Variants in CSMD1 observed in about 807,000 individuals in gnomAD.
CSMD1 encodes the protein CUB and Sushi multiple domains 1.
A neutral mutation model predicts 417.5 loss-of-function variants in CSMD1; 213 were observed. The observed-to-expected ratio is 0.51, with a 90% CI of 0.46 to 0.57. The LOEUF (loss-of-function observed/expected upper bound fraction) is 0.57. CSMD1 is among the 20% of genes least tolerant of loss of function. The pLI is 0.00. For missense variants in CSMD1, 6,923 were observed against 4,529.7 expected (o/e 1.53, Z -15.17); for synonymous variants, 2,862 against 1,736.8 (o/e 1.65, Z -16.11).
chr8:4,650,978 G>T (rs899143), intron 1 of CSMD1, among the ~76,000 whole-genome samples: 87,690 of 151,950 alleles, frequency 0.58, 25,516 homozygotes, highest in Admixed American at 0.68. Flanking sequence ...GTTAAATATT[G>T]ATAACAAGAA....
intron 3 of CSMD1, among the ~76,000 whole-genome samples, chr8:4,340,815 C>A (rs1800432648): frequency 6.6e-6 from 1 of 151,968 alleles, no homozygotes; most frequent in African/African-American, 2.4e-5. Flanking sequence ...TGCTGCTTAC[C>A]CACTTCTAGA....
intron 3 of CSMD1, among the ~76,000 whole-genome samples, chr8:4,044,058 G>T (rs1469790405): frequency 6.6e-6 from 1 of 151,964 alleles, no homozygotes; most frequent in African/African-American, 2.4e-5. Flanking sequence ...AGGAGACTGG[G>T]GTTCCTGTCT....
At chr8:3,384,813 A>G (rs13254080) in intron 18 of CSMD1, among the ~76,000 whole-genome samples, 61,754 of 118,916 alleles carry the variant, frequency 0.52, 16,434 homozygotes, top group Middle Eastern at 0.57. Flanking sequence ...TTATATATAA[A>G]TATATAATTA....
chr8:4,594,873 G>T (rs1323200961), intron 2 of CSMD1, among the ~76,000 whole-genome samples: 1 of 152,144 alleles, frequency 6.6e-6, no homozygotes, highest in Non-Finnish European at 1.5e-5. Flanking sequence ...TCATGCTGAA[G>T]AGAAATGACT....
intron 5 of CSMD1, among the ~76,000 whole-genome samples, chr8:3,821,170 G>A (rs182404639): frequency 4.6e-5 from 7 of 152,064 alleles, no homozygotes; most frequent in Admixed American, 6.5e-5. Flanking sequence ...CACCCGCCTC[G>A]GCCTCCCAAA....
At chr8:4,346,880 G>C (rs565376921) in intron 3 of CSMD1, among the ~76,000 whole-genome samples, 3 of 149,364 alleles carry the variant, frequency 2.0e-5, no homozygotes, top group Admixed American at 6.6e-5. Context: ...ATGTCATTCT[G>C]GCTGGATTGT....
intron 25 of CSMD1, among the ~76,000 whole-genome samples, chr8:3,292,373 G>T (rs1363029793): frequency 6.6e-6 from 1 of 152,054 alleles, no homozygotes; most frequent in Non-Finnish European, 1.5e-5. Context: ...TTCAATTCCT[G>T]GGTATCCTTG....
At chr8:3,429,952 G>C (rs1178761625) in intron 12 of CSMD1, among the ~76,000 whole-genome samples, 1 of 152,218 alleles carries the variant, frequency 6.6e-6, no homozygotes, top group African/African-American at 2.4e-5. Context: ...ATCTCGATAT[G>C]TATTAATCGA....
At chr8:4,894,006 A>G (rs894531750) in intron 1 of CSMD1, among the ~76,000 whole-genome samples, 1 of 151,942 alleles carries the variant, frequency 6.6e-6, no homozygotes, top group Non-Finnish European at 1.5e-5. Flanking sequence ...TCTGTTATGT[A>G]TAGATACCTT....
At chr8:3,523,940 G>A (rs914695044) in intron 10 of CSMD1, among the ~76,000 whole-genome samples, 1 of 139,464 alleles carries the variant, frequency 7.2e-6, no homozygotes, top group Non-Finnish European at 1.5e-5. Context: ...TGCACACTCA[G>A]ACACGTGCAT....
At chr8:4,885,919 T>C (rs937985527) in intron 1 of CSMD1, among the ~76,000 whole-genome samples, 3 of 152,132 alleles carry the variant, frequency 2.0e-5, no homozygotes, top group South Asian at 2.1e-4. Context: ...TATGCCTGTG[T>C]TTTCTTTGTA....
At chr8:4,873,112 G>T (rs776484293) in intron 1 of CSMD1, among the ~76,000 whole-genome samples, 15 of 152,022 alleles carry the variant, frequency 9.9e-5, no homozygotes, top group African/African-American at 3.4e-4. Context: ...CCAAAATGAA[G>T]GTATATAACA....
intron 3 of CSMD1, among the ~76,000 whole-genome samples, chr8:4,183,119 G>A (rs1203629118): frequency 6.6e-6 from 1 of 152,086 alleles, no homozygotes; most frequent in African/African-American, 2.4e-5. Flanking sequence ...TCATCTTTAT[G>A]CAGTGATAAT....
intron 1 of CSMD1, among the ~76,000 whole-genome samples, chr8:4,693,606 C>A (rs76761472): frequency 1.3e-5 from 2 of 152,158 alleles, no homozygotes; most frequent in African/African-American, 4.8e-5. Context: ...GGTAAAACAA[C>A]GGGATTTTTC....
chr8:4,148,069 G>C (rs982851194), intron 3 of CSMD1, among the ~76,000 whole-genome samples: 22 of 152,088 alleles, frequency 1.4e-4, no homozygotes, highest in African/African-American at 5.3e-4. Flanking sequence ...ACAAGCAGGA[G>C]GAAGACTTTT....
At chr8:4,629,039 A>G (rs13282923) in intron 2 of CSMD1, among the ~76,000 whole-genome samples, 43,569 of 152,100 alleles carry the variant, frequency 0.29, 7,135 homozygotes, top group Admixed American at 0.49. Context: ...TAGAGCTAAT[A>G]TAATTTACTT....
chr8:4,337,667 C>A (rs1277840958), intron 3 of CSMD1, among the ~76,000 whole-genome samples: 1 of 152,160 alleles, frequency 6.6e-6, no homozygotes, highest in Non-Finnish European at 1.5e-5. Context: ...ATTATTCTCA[C>A]AGACAATTTT....
At chr8:4,059,601 T>G (rs1292772450) in intron 3 of CSMD1, among the ~76,000 whole-genome samples, 1 of 151,740 alleles carries the variant, frequency 6.6e-6, no homozygotes, top group Non-Finnish European at 1.5e-5. Context: ...TAAAAAATGA[T>G]AAAGGGGATA....
chr8:3,733,960 T>C (rs1584919507), intron 6 of CSMD1, among the ~76,000 whole-genome samples: 1 of 152,116 alleles, frequency 6.6e-6, no homozygotes, highest in South Asian at 2.1e-4. Context: ...GTCCTGAAAC[T>C]TATCCTTCAA....
Sources: allele counts gnomAD v4.1 joint callset (sites outside exome capture counted in the v4.1 genomes callset), GRCh38; gene constraint gnomAD v4.1.1; transcripts MANE v1.5; gene names NCBI Gene and HGNC (gene_info 2026-07-23, HGNC 2026-07-21).